Variants in SH2D3C observed in about 807,000 individuals in gnomAD.
SH2D3C encodes SH2 domain containing 3C.
In SH2D3C, 25 loss-of-function variants were observed where a neutral mutation model predicts 75.2. That is an observed-to-expected ratio of 0.33 (90% CI 0.24 to 0.46). The LOEUF (loss-of-function observed/expected upper bound fraction) is 0.46, where lower values mean the gene tolerates loss of function less well. Among genes scored for constraint, SH2D3C ranks in the 20% least tolerant of loss-of-function variants. SH2D3C has a pLI of 1.00. For synonymous variants in SH2D3C, 450 were observed against 473.7 expected (o/e 0.95, Z 0.65); for missense variants, 933 against 1,165.3 (o/e 0.80, Z 2.90).
chr9:127,741,992 T>C, intron 8 of SH2D3C, 33 bp from the exon 9 acceptor site: 2 of 1,574,250 alleles, frequency 1.3e-6, no homozygotes, highest in Non-Finnish European at 1.7e-6. Context: ...GGCGGCGGGC[T>C]CGGGGACAGG....
chr9:127,753,854 G>A (rs1845274181), intron 3 of SH2D3C, among the ~76,000 whole-genome samples: 1 of 152,236 alleles, frequency 6.6e-6, no homozygotes. Flanking sequence ...GGGCAAAGGA[G>A]GGAGGAGGCT....
rs527524138 is a variant in SH2D3C at position 127,768,543 on chromosome 9, C to A, written c.515+5447G>T. ...GAGGCTGCAGCAAGCTATGATCGAG[C>A]CGCTGCACTCCAGCCTGGGCAACAG... is the stretch of plus-strand genomic sequence containing the variant. On this transcript the variant is annotated intron_variant, in intron 2 of 11. Transcript: ENST00000314830. Among the ~76,000 whole-genome samples, 6 of 152,238 alleles carry A rather than the reference C, an allele frequency of 3.9e-5. No individual in the cohort carries two copies. In the East Asian group the frequency reaches 9.6e-4, roughly 24 times the overall value.
At position 127,739,238 on chromosome 9, in the gene SH2D3C, G is replaced by A. The variant is rs140545091; in HGVS notation, c.2408-317C>T. 3.3e-3 allele frequency among the ~76,000 whole-genome samples: 499 copies of A among 151,958 alleles called. 9 individuals are homozygous for A. The East Asian group carries it at 0.055, about 17-fold the overall frequency. On this transcript the variant is annotated intron_variant, in intron 11 of 11. Coordinates refer to ENST00000314830, the MANE Select transcript of SH2D3C (RefSeq NM_170600.3). The surrounding 1 kb of genome is among the most constrained non-coding windows in gnomAD (Gnocchi z 4.3). ...GATGTATACATTTTAGGCTGGGTGCGGTGGCTCACACCTGTAATCCCAGCA... is the reference window on the plus strand; with the variant it reads ...GATGTATACATTTTAGGCTGGGTGCAGTGGCTCACACCTGTAATCCCAGCA...
intron 3 of SH2D3C, among the ~76,000 whole-genome samples, chr9:127,757,272 A>ATTTTT (rs60217641): frequency 6.3e-4 from 88 of 138,676 alleles, no homozygotes; most frequent in African/African-American, 1.9e-3. Flanking sequence ...CCCTCATTTG[A>ATTTTT]TTTTTTTTTT....
chr9:127,773,317 G>A (rs943035815), intron 2 of SH2D3C, among the ~76,000 whole-genome samples: 12 of 152,152 alleles, frequency 7.9e-5, no homozygotes, highest in African/African-American at 2.4e-4. Flanking sequence ...GATGATTTGC[G>A]TGAGGGGGTT....
At chr9:127,767,985 C>T (rs1845666508) in intron 2 of SH2D3C, among the ~76,000 whole-genome samples, 1 of 152,188 alleles carries the variant, frequency 6.6e-6, no homozygotes, top group African/African-American at 2.4e-5. Flanking sequence ...CAGCTAGGGG[C>T]CGGGGGAACA....
intron 2 of SH2D3C, among the ~76,000 whole-genome samples, chr9:127,772,183 A>G (rs1286597329): frequency 6.6e-6 from 1 of 151,808 alleles, no homozygotes; most frequent in Admixed American, 6.6e-5. Context: ...CCAGAAAAAA[A>G]CAAAAGAAAG....
At chr9:127,767,704 A>T (rs1845661430) in intron 2 of SH2D3C, among the ~76,000 whole-genome samples, 1 of 152,168 alleles carries the variant, frequency 6.6e-6, no homozygotes, top group African/African-American at 2.4e-5. Flanking sequence ...GCTCCTGTTT[A>T]CTGGTACTTG....
chr9:127,750,867 T>C (rs991944196), intron 4 of SH2D3C, among the ~76,000 whole-genome samples: 3 of 152,226 alleles, frequency 2.0e-5, no homozygotes, highest in Admixed American at 2.0e-4. Context: ...AATAACAGCA[T>C]AATAATAAGA....
chr9:127,750,442 A>G (rs1845168774), intron 4 of SH2D3C, among the ~76,000 whole-genome samples: 1 of 152,152 alleles, frequency 6.6e-6, no homozygotes, highest in Non-Finnish European at 1.5e-5. Context: ...GGCATGAGCC[A>G]TCGCACCTGG....
chr9:127,760,407 T>C (rs968333586), intron 3 of SH2D3C, among the ~76,000 whole-genome samples: 2 of 152,014 alleles, frequency 1.3e-5, no homozygotes, highest in African/African-American at 4.8e-5. Context: ...ATCAGGTTGG[T>C]GCAAAAGTAA....
Position 127,774,164 on chromosome 9 carries a change from G to A in SH2D3C, c.341C>T (p.Pro114Leu). The change falls in exon 2 of 12, where the codon CCC becomes CTC. Residue 114 changes from proline to leucine, a missense_variant. Physicochemically the swap from Pro to Leu is moderately conservative, Grantham distance 98. Transcript: ENST00000314830. This position sits in a 1 kb window ranked among gnomAD's most constrained non-coding sequence, Gnocchi z 4.3. ...CTCTTTGGCTGCCTCCAAGCCTGGG[G>A]GGTCGGGTACACCTCCGGGTACCAA... ...PNLVPGGVPD[P>L]PGLEAAKEVM... The A allele has an allele frequency of 6.2e-7, 1 of 1,614,092 alleles. No individual in the cohort carries two copies. Among genetic ancestry groups the A allele is most frequent in the African/African-American group, 1.3e-5 (1 of 75,056 alleles).
rs200414378 is a variant in SH2D3C at position 127,764,858 on chromosome 9, C to T, written c.516-3208G>A. Among the ~76,000 whole-genome samples the T allele has an allele frequency of 1.9e-4, 29 of 152,288 alleles. No individual in the cohort carries two copies. The East Asian group carries it at 5.6e-3, about 29-fold the overall frequency. ...AAGTAGCTGGGATTACAGGTGACCA[C>T]CACCACGCCGGGCTAATTTTTTGTA... On this transcript the variant is annotated intron_variant, in intron 2 of 11. Transcript: ENST00000314830.
intron 5 of SH2D3C, among the ~76,000 whole-genome samples, chr9:127,747,900 G>C (rs1228639817): frequency 1.3e-5 from 2 of 152,118 alleles, no homozygotes; most frequent in African/African-American, 4.8e-5. Flanking sequence ...TTCCTATCCA[G>C]CTTCCCCTCC....
In SH2D3C at chr9:127,740,250, G is replaced by C. The variant is rs1844814156; in HGVS notation, c.2200+8C>G. 6.2e-7 allele frequency: 1 copy of C among 1,611,300 alleles called. No individual in the cohort carries two copies. The highest frequency in any genetic ancestry group is 8.5e-7 in the Non-Finnish European group (1 of 1,177,668). Reference sequence around the variant, plus strand: ...CAGCCTGTCCAAGGTCACGCAACAAGGAAGTACCTTTGCCCTCGTTGAGGC... The same window carrying C: ...CAGCCTGTCCAAGGTCACGCAACAACGAAGTACCTTTGCCCTCGTTGAGGC... On this transcript the variant is annotated splice_region_variant and intron_variant, in intron 10 of 11. Transcript: ENST00000314830.
chr9:127,752,595 C>T (rs937425033), intron 3 of SH2D3C, among the ~76,000 whole-genome samples: 8 of 152,276 alleles, frequency 5.3e-5, no homozygotes, highest in Non-Finnish European at 7.4e-5. Flanking sequence ...ACAGATCTCG[C>T]CTCCTAATTC....
At chr9:127,775,123 ATAACATGCT>A (rs1321547797) in intron 1 of SH2D3C, among the ~76,000 whole-genome samples, 1 of 152,188 alleles carries the variant, frequency 6.6e-6, no homozygotes, top group Non-Finnish European at 1.5e-5. Context: ...AAGATTATAA[ATAACATGCT>A]TAACATGGTG....
intron 3 of SH2D3C, among the ~76,000 whole-genome samples, chr9:127,753,034 C>A (rs140952542): frequency 1.3e-5 from 2 of 151,396 alleles, no homozygotes; most frequent in African/African-American, 2.4e-5. Context: ...CAGGGTCCTA[C>A]GGGCAGAGCC....
chr9:127,760,677 CT>C (rs1432918200), intron 3 of SH2D3C, among the ~76,000 whole-genome samples: 1 of 152,092 alleles, frequency 6.6e-6, no homozygotes, highest in Non-Finnish European at 1.5e-5. Flanking sequence ...AGTTTCCCAT[CT>C]GTAAACGGGC....
Sources: gnomAD v4.1 joint callset for allele counts (sites outside exome capture counted in the v4.1 genomes callset) on GRCh38, gnomAD v4.1.1 for gene constraint, Gnocchi (gnomAD v3.1) non-coding constraint, MANE v1.5 for transcripts, NCBI Gene and HGNC (gene_info 2026-07-23, HGNC 2026-07-21) for gene names.